The following TIPIN variants were observed in gnomAD, a reference collection of about 807,000 sequenced individuals.
TIPIN encodes TIMELESS-interacting protein.
TIPIN carries 29 observed loss-of-function variants against 35.6 expected under a neutral mutation model. That is an observed-to-expected ratio of 0.82 (90% CI 0.61 to 1.11). TIPIN has a LOEUF of 1.11. Among genes scored for constraint, TIPIN ranks in the 50% most tolerant of loss-of-function variants. The probability of loss-of-function intolerance (pLI) is 0.00; values close to 1 mark genes in which losing one functional copy is unlikely to be tolerated. For synonymous variants in TIPIN, 102 were observed against 121.5 expected, an observed-to-expected ratio of 0.84 and a Z score of 1.06; for missense variants, 296 against 345.4, an observed-to-expected ratio of 0.86 and a Z score of 1.13.
upstream of TIPIN, among the ~76,000 whole-genome samples, chr15:66,359,052 A>G (rs1595806723): frequency 6.6e-6 from 1 of 151,494 alleles, no homozygotes; most frequent in East Asian, 2.0e-4. Flanking sequence ...CAAAAAAAAA[A>G]AAAAATTTAA....
chr15:66,350,938 T>TAAAAAAAAAA (rs35214451), intron 4 of TIPIN, among the ~76,000 whole-genome samples: 1 of 82,390 alleles, frequency 1.2e-5, no homozygotes. Context: ...GACTCCGTCT[T>TAAAAAAAAAA]AAAAAAAAAA....
At chr15:66,379,220 T>C in intron 1 of TIPIN, 1 of 1,351,798 alleles carries the variant, frequency 7.4e-7, no homozygotes, top group Non-Finnish European at 9.8e-7. Flanking sequence ...CTGGAATTTA[T>C]TTAGCTATTT....
In TIPIN at chr15:66,363,079, C is replaced by T. The variant is rs185263686; in HGVS notation, c.-8-10124G>A. On this transcript the variant is annotated intron_variant, in intron 1 of 7. Coordinates refer to the TIPIN transcript ENST00000562124. ...CAGCTGCAAATGATGGGGGGAAGATCCCAAAAACTAAATAGAGACTGGGTG... is the reference window on the plus strand; with the variant it reads ...CAGCTGCAAATGATGGGGGGAAGATTCCAAAAACTAAATAGAGACTGGGTG... 4.8e-3 allele frequency among the ~76,000 whole-genome samples: 734 copies of T among 152,308 alleles called. 1 individual carries two copies. Among genetic ancestry groups the T allele is most frequent in the Middle Eastern group, 0.037 (11 of 294 alleles).
At chr15:66,368,479 T>C (rs531781748) in intron 1 of TIPIN, among the ~76,000 whole-genome samples, 50 of 152,158 alleles carry the variant, frequency 3.3e-4, no homozygotes, top group Non-Finnish European at 4.7e-4. Context: ...TAGTGAGCCA[T>C]GATCGTGCTA....
chr15:66,353,853 T>G (rs1393797411), intron 1 of TIPIN, among the ~76,000 whole-genome samples: 3 of 151,900 alleles, frequency 2.0e-5, no homozygotes, highest in African/African-American at 7.3e-5. Context: ...TTACCTTAAC[T>G]TCTAAGACAT....
chr15:66,372,925 A>C (rs771379815), intron 1 of TIPIN, among the ~76,000 whole-genome samples: 2 of 152,090 alleles, frequency 1.3e-5, no homozygotes, highest in Non-Finnish European at 2.9e-5. Flanking sequence ...AAAAGATTGT[A>C]ATACCAAATT....
chr15:66,348,673 TAC>T (rs34877639), intron 6 of TIPIN, among the ~76,000 whole-genome samples: 136,073 of 150,772 alleles, frequency 0.9, 63,036 homozygotes, highest in East Asian at 1. Flanking sequence ...CAGCCTGGGC[TAC>T]AGAGTGAGAC....
At chr15:66,385,460 A>G (rs967551160) in intron 1 of TIPIN, among the ~76,000 whole-genome samples, 3 of 151,992 alleles carry the variant, frequency 2.0e-5, no homozygotes, top group African/African-American at 7.3e-5. Context: ...TTATTTCTTT[A>G]GTAATTCACA....
At chr15:66,348,950 A>G (rs1231202789) in intron 6 of TIPIN, 110 bp downstream of exon 6, 1 of 824,272 alleles carries the variant, frequency 1.2e-6, no homozygotes, top group Non-Finnish European at 1.9e-6. Context: ...GTCCCTAAAC[A>G]TGAAACAAAA....
intron 1 of TIPIN, among the ~76,000 whole-genome samples, chr15:66,369,353 C>CAT (rs2093269324): frequency 8.4e-6 from 1 of 118,610 alleles, no homozygotes. Context: ...TTCACAATAT[C>CAT]TTTTTTTTTT....
Position 66,355,199 on chromosome 15 carries a change from A to G in TIPIN, c.-9+1440T>C, listed in dbSNP as rs558972183. 2.3e-3 allele frequency among the ~76,000 whole-genome samples: 351 copies of G among 151,252 alleles called. 1 individual carries two copies. Among genetic ancestry groups the G allele is most frequent in the African/African-American group, 7.7e-3 (316 of 41,294 alleles). The stretch of plus-strand genomic sequence containing the variant: ...CAGGCGCCTGCCACCACGCCCGGCT[A>G]ATTTTTTGTATTTTTCATAGAGACG... On this transcript the variant is annotated intron_variant, in intron 1 of 7. Transcript: ENST00000261881.
chr15:66,352,791 CT>C lies in TIPIN; in HGVS notation c.133+23del, dbSNP rs2093176857. The C allele has an allele frequency of 5.1e-6, 8 of 1,581,108 alleles. No individual in the cohort carries two copies. In the East Asian group the frequency reaches 1.8e-4, roughly 36 times the overall value. ...CCACCGTGCCTGGCCTCACAGCCTC[CT>C]TTTTAAAACTCTCTATACATACCTT... On this transcript the variant is annotated intron_variant, in intron 2 of 7. Transcript: ENST00000261881.
intron 1 of TIPIN, among the ~76,000 whole-genome samples, chr15:66,373,365 C>T (rs1000983584): frequency 6.6e-5 from 10 of 151,764 alleles, no homozygotes; most frequent in Admixed American, 2.6e-4. Context: ...TGGTGGCGGG[C>T]GCCTGTAGTC....
chr15:66,358,293 A>G (rs2093216117), upstream of TIPIN, among the ~76,000 whole-genome samples: 1 of 152,152 alleles, frequency 6.6e-6, no homozygotes, highest in African/African-American at 2.4e-5. Context: ...TGAACATACA[A>G]ATGTATTAAC....
chr15:66,344,589 G>T (rs975308351), intron 6 of TIPIN, among the ~76,000 whole-genome samples: 1 of 150,650 alleles, frequency 6.6e-6, no homozygotes, highest in Non-Finnish European at 1.5e-5. Context: ...AGCAGCTCAC[G>T]CCTATAATCC....
At chr15:66,361,032 T>G (rs2093228694), upstream of TIPIN, among the ~76,000 whole-genome samples, 1 of 127,930 alleles carries the variant, frequency 7.8e-6, no homozygotes. Flanking sequence ...CTCGGAAGGC[T>G]GACGAATGAG....
At chr15:66,342,186 CAAAAAAAAAAAA>C (rs55711983) in intron 6 of TIPIN, among the ~76,000 whole-genome samples, 2 of 108,506 alleles carry the variant, frequency 1.8e-5, no homozygotes, top group African/African-American at 3.9e-5. Flanking sequence ...AAGACTGTCT[CAAAAAAAAAAAA>C]AAAAAAAAAA....
intron 1 of TIPIN, 34 bp downstream of exon 1, chr15:66,356,605 C>A (rs981173993): frequency 2.0e-6 from 2 of 986,344 alleles, no homozygotes; most frequent in Admixed American, 6.2e-5. Context: ...CCTCTCCCCG[C>A]AAGAACTTCA....
chr15:66,366,023 T>C (rs934743539), intron 1 of TIPIN, among the ~76,000 whole-genome samples: 1 of 151,988 alleles, frequency 6.6e-6, no homozygotes, highest in Non-Finnish European at 1.5e-5. Flanking sequence ...TATTGGAGAA[T>C]CACCCTACCC....
Sources: allele counts gnomAD v4.1 joint callset (sites outside exome capture counted in the v4.1 genomes callset), GRCh38; gene constraint gnomAD v4.1.1; transcripts MANE v1.5; gene names NCBI Gene and HGNC (gene_info 2026-07-23, HGNC 2026-07-21).